The following QSOX1 variants were observed in gnomAD, a reference collection of about 807,000 sequenced individuals.
The protein encoded by QSOX1 is sulfhydryl oxidase 1.
QSOX1 carries 40 observed loss-of-function variants against 76.1 expected under a neutral mutation model. That is an observed-to-expected ratio of 0.53 (90% CI 0.41 to 0.68). The LOEUF is 0.68. Ranked by LOEUF, QSOX1 falls within the 30% of genes least tolerant of loss-of-function variation. The pLI is 0.00. For synonymous variants in QSOX1, 392 were observed against 413.1 expected (o/e 0.95, Z 0.62); for missense variants, 931 against 974.3 (o/e 0.96, Z 0.59).
chr1:180,198,373 G>A lies in QSOX1; in HGVS notation c.*1336G>A, dbSNP rs1273370024. 2.2e-6 allele frequency: 1 copy of A among 456,646 alleles called. No individual in the cohort carries two copies. Among genetic ancestry groups the A allele is most frequent in the African/African-American group, 2.0e-5 (1 of 50,092 alleles). The allele number at this position is 456,646 out of a possible 1,614,324, so 28.3% of individuals were successfully genotyped here. A position where few individuals can be genotyped will look rare whatever the true frequency, so the allele number is the denominator to read the frequency against. ...AGGGCTTGTTTGTCAGAGCTGCAGG[G>A]TTGGCCACTCGGTGGGGAGGAGTCA... is the stretch of plus-strand genomic sequence containing the variant. On this transcript the variant is annotated 3_prime_UTR_variant, in exon 12 of 12. Transcript: ENST00000367602.
intron 1 of QSOX1, among the ~76,000 whole-genome samples, chr1:180,164,220 G>T (rs543766140): frequency 2.1e-4 from 32 of 152,340 alleles, no homozygotes; most frequent in Non-Finnish European, 3.2e-4. Context: ...ATGCACCCCA[G>T]CTTGCAGATA....
intron 10 of QSOX1, among the ~76,000 whole-genome samples, chr1:180,191,165 A>AT (rs1363125418): frequency 6.6e-6 from 1 of 152,076 alleles, no homozygotes; most frequent in Non-Finnish European, 1.5e-5. Context: ...GTCCACACTG[A>AT]TTGAGGAACC....
intron 8 of QSOX1, among the ~76,000 whole-genome samples, chr1:180,188,567 G>A (rs760309623): frequency 1.8e-4 from 28 of 152,374 alleles, no homozygotes; most frequent in African/African-American, 5.8e-4. Context: ...AGGAGGGCAC[G>A]TGTCAAAGCG....
rs1663482115 is a variant in QSOX1, at chr1:180,196,239, C to T, written c.1469-23C>T. On this transcript the variant is annotated intron_variant, in intron 11 of 11. Transcript: ENST00000367602. This position sits in a 1 kb window ranked among gnomAD's most constrained non-coding sequence, Gnocchi z 4.1. ...TGGGTGGGACTGATGTCACCACCAG[C>T]CTGTGTATGCTTCCCTCTGTAGGTG... The T allele has an allele frequency of 6.3e-7, 1 of 1,590,930 alleles. No homozygotes were observed. The highest frequency in any genetic ancestry group is 8.6e-7 in the Non-Finnish European group (1 of 1,164,586).
chr1:180,180,392 T>C (rs1663000895), intron 5 of QSOX1, among the ~76,000 whole-genome samples: 1 of 152,276 alleles, frequency 6.6e-6, no homozygotes, highest in Non-Finnish European at 1.5e-5. Flanking sequence ...GTATTTTCAG[T>C]AGAGACGTGG....
In QSOX1 at chr1:180,159,963, C is replaced by G. The variant is rs551344966; in HGVS notation, c.265+4791C>G. Among the ~76,000 whole-genome samples the G allele has an allele frequency of 3.6e-4, 55 of 152,302 alleles. No homozygotes were observed. In the South Asian group the frequency reaches 0.011, roughly 31 times the overall value. ...CATCGTTTTGGGTTTTCGGTCTTAA[C>G]ACATCATTTATAGGTTAAGGTGTCC... On this transcript the variant is annotated intron_variant, in intron 1 of 11. Coordinates refer to ENST00000367602, the MANE Select transcript of QSOX1 (RefSeq NM_002826.5).
intron 4 of QSOX1, among the ~76,000 whole-genome samples, chr1:180,176,446 A>G (rs1473243899): frequency 6.6e-6 from 1 of 152,156 alleles, no homozygotes; most frequent in East Asian, 1.9e-4. Flanking sequence ...CATGAGGAGG[A>G]AAAAGGAGAT....
intron 6 of QSOX1, among the ~76,000 whole-genome samples, chr1:180,183,513 A>T (rs1024605664): frequency 6.6e-6 from 1 of 152,116 alleles, no homozygotes; most frequent in Admixed American, 6.5e-5. Flanking sequence ...GGGCGAGCTT[A>T]TGGATGGGCA....
chr1:180,168,116 G>T (rs998236444), intron 2 of QSOX1, among the ~76,000 whole-genome samples: 27 of 152,270 alleles, frequency 1.8e-4, no homozygotes, highest in African/African-American at 6.5e-4. Flanking sequence ...TTCTGACTCT[G>T]CCTGGGAGAG....
intron 8 of QSOX1, among the ~76,000 whole-genome samples, chr1:180,189,061 C>T (rs909303879): frequency 6.6e-6 from 1 of 152,226 alleles, no homozygotes; most frequent in African/African-American, 2.4e-5. Flanking sequence ...TCCTCACTGG[C>T]AGCCCATGGA....
intron 7 of QSOX1, among the ~76,000 whole-genome samples, chr1:180,185,820 G>C (rs1156968169): frequency 6.6e-6 from 1 of 152,186 alleles, no homozygotes; most frequent in African/African-American, 2.4e-5. Flanking sequence ...CAACTTACCT[G>C]TGAGCAATGT....
chr1:180,181,350 T>C (rs1245512259), intron 5 of QSOX1, among the ~76,000 whole-genome samples: 3 of 152,186 alleles, frequency 2.0e-5, no homozygotes, highest in Non-Finnish European at 2.9e-5. Flanking sequence ...TGCTCAGAAC[T>C]TCTCTTCCCA....
In QSOX1 at chr1:180,194,999, G is replaced by GGGC. The variant is rs1553275529; in HGVS notation, c.1468+609_1468+610insCGG. Among the ~76,000 whole-genome samples, 40 of 150,428 alleles carry GGGC rather than the reference G, an allele frequency of 2.7e-4. No homozygotes were observed. In the East Asian group the frequency reaches 6.3e-3, roughly 24 times the overall value. Reference sequence around the variant, plus strand: ...GCACGTGGCTGTGACAGCCTCCCGGGGGGGGGAGACCAGGGCGGAGCCGAG... The same window carrying GGGC: ...GCACGTGGCTGTGACAGCCTCCCGGGGGCGGGGGGAGACCAGGGCGGAGCCGAG... On this transcript the variant is annotated intron_variant, in intron 11 of 11. Coordinates refer to ENST00000367602, the MANE Select transcript of QSOX1 (RefSeq NM_002826.5).
chr1:180,170,517 G>A (rs899130980), intron 2 of QSOX1, among the ~76,000 whole-genome samples: 17 of 152,188 alleles, frequency 1.1e-4, no homozygotes, highest in East Asian at 3.9e-4. Flanking sequence ...CCATAGTTTC[G>A]TGAAGACCAG....
Position 180,196,071 on chromosome 1 carries a change from G to A in QSOX1, c.1469-191G>A, listed in dbSNP as rs1399183320. Among the ~76,000 whole-genome samples the A allele has an allele frequency of 6.6e-6, 1 of 152,166 alleles. No homozygotes were observed. The highest frequency in any genetic ancestry group is 1.9e-4 in the East Asian group (1 of 5,176). On this transcript the variant is annotated intron_variant, in intron 11 of 11. Coordinates refer to ENST00000367602, the MANE Select transcript of QSOX1 (RefSeq NM_002826.5). This position sits in a 1 kb window ranked among gnomAD's most constrained non-coding sequence, Gnocchi z 4.1. ...TAGGTGGATCTGCCTCCTCCTCCAT[G>A]CTGCCATCTGTTGAGCTCCCACTGT...
chr1:180,164,143 T>C (rs1558183817), intron 1 of QSOX1, among the ~76,000 whole-genome samples: 1 of 152,184 alleles, frequency 6.6e-6, no homozygotes, highest in Admixed American at 6.5e-5. Flanking sequence ...GGGCCTGGCA[T>C]GCAACAGGCC....
chr1:180,168,392 A>AGCCTTTCCT (rs1300852260), intron 2 of QSOX1, among the ~76,000 whole-genome samples: 1 of 150,506 alleles, frequency 6.6e-6, no homozygotes, highest in African/African-American at 2.4e-5. Context: ...CCCCCGGCAA[A>AGCCTTTCCT]GCCTTTCCTG....
intron 10 of QSOX1, among the ~76,000 whole-genome samples, chr1:180,193,047 T>C (rs1258389991): frequency 6.7e-6 from 1 of 149,894 alleles, no homozygotes; most frequent in Non-Finnish European, 1.5e-5. Flanking sequence ...GTCGGTGGAG[T>C]AGTGGAGGTA....
At chr1:180,168,731 G>T (rs138329957) in intron 2 of QSOX1, among the ~76,000 whole-genome samples, 32 of 152,086 alleles carry the variant, frequency 2.1e-4, no homozygotes, top group African/African-American at 7.2e-4. Context: ...TTACAAGGTT[G>T]TTTCTAGTGT....
Sources: allele counts gnomAD v4.1 joint callset (sites outside exome capture counted in the v4.1 genomes callset), GRCh38; gene constraint gnomAD v4.1.1; non-coding constraint Gnocchi (gnomAD v3.1); transcripts MANE v1.5; gene names NCBI Gene and HGNC (gene_info 2026-07-23, HGNC 2026-07-21).